The following TCOF1 variants were observed in gnomAD, a reference collection of about 807,000 sequenced individuals.
TCOF1 encodes treacle ribosome biogenesis factor 1.
Under a neutral mutation model 149.0 loss-of-function variants are expected in TCOF1, and 33 were observed. The observed-to-expected ratio is 0.22, with a 90% CI of 0.17 to 0.30. The LOEUF (loss-of-function observed/expected upper bound fraction) is 0.30, where lower values mean the gene tolerates loss of function less well. TCOF1 is among the 10% of genes least tolerant of loss of function. TCOF1 has a pLI of 1.00. For synonymous variants in TCOF1, 789 were observed against 738.8 expected (o/e 1.07, Z -1.10); for missense variants, 1,728 against 1,840.7 (o/e 0.94, Z 1.12).
At chr5:150,378,462 T>C (rs574033167) in intron 14 of TCOF1, 110 of 231,682 alleles carry the variant, frequency 4.7e-4, no homozygotes, top group African/African-American at 2.5e-3. Context: ...CAGCATTCCA[T>C]CTAGCCTGGA....
At chr5:150,372,452 C>T (rs951243558) in intron 7 of TCOF1, among the ~76,000 whole-genome samples, 6 of 152,338 alleles carry the variant, frequency 3.9e-5, no homozygotes, top group African/African-American at 1.4e-4. Context: ...GTAAATGGGC[C>T]GCTGTCCTCG....
intron 3 of TCOF1, among the ~76,000 whole-genome samples, chr5:150,365,555 A>C (rs1277964986): frequency 2.0e-5 from 3 of 152,092 alleles, no homozygotes; most frequent in Non-Finnish European, 2.9e-5. Flanking sequence ...TTGCCTCTAT[A>C]TTCATTCAAA....
rs571858502 is a variant in TCOF1, at chr5:150,374,398, G to A, written c.1083+12G>A. 216 of 1,552,374 alleles carry A rather than the reference G, an allele frequency of 1.4e-4. No homozygotes were observed. In the East Asian group the frequency reaches 5.1e-3, roughly 37 times the overall value. On this transcript the variant is annotated intron_variant, in intron 8 of 26. Transcript: ENST00000643257. ...AGGCCCTGCTTCAGGTGAGGCCTGA[G>A]GAGGGAGACTCCATGCAGCCAGGCC...
intron 14 of TCOF1, among the ~76,000 whole-genome samples, chr5:150,378,125 T>C (rs1234527559): frequency 6.6e-6 from 1 of 152,182 alleles, no homozygotes; most frequent in Non-Finnish European, 1.5e-5. Flanking sequence ...TCCTGATTCT[T>C]CACCTCATTT....
intron 17 of TCOF1, among the ~76,000 whole-genome samples, chr5:150,386,544 C>T (rs975869668): frequency 1.1e-4 from 17 of 152,190 alleles, no homozygotes; most frequent in African/African-American, 4.1e-4. Flanking sequence ...TGCCTCTCCA[C>T]AGCACCTTAG....
chr5:150,392,535 A>G (rs953896078), intron 21 of TCOF1, 170 bp from the exon 22 acceptor site: 18 of 676,210 alleles, frequency 2.7e-5, no homozygotes, highest in African/African-American at 5.3e-5. Context: ...TGCTGTGACT[A>G]GCGATAAGTG....
intron 1 of TCOF1, among the ~76,000 whole-genome samples, chr5:150,359,978 A>G (rs966952057): frequency 6.6e-6 from 1 of 152,180 alleles, no homozygotes; most frequent in African/African-American, 2.4e-5. Flanking sequence ...GGGAGAGAAC[A>G]TTCCAGACAA....
At position 150,361,247 on chromosome 5, in the gene TCOF1, G is replaced by A. The variant is rs535083504; in HGVS notation, c.164+36G>A. ...GGGCCTATAGGGTGGAGTAGGGACG[G>A]ACACCCCAAGCAACTCAGCTTGGAA... On this transcript the variant is annotated intron_variant, in intron 2 of 26. Transcript: ENST00000643257. 4.2e-5 allele frequency: 67 copies of A among 1,611,746 alleles called. 2 individuals carry two copies. The South Asian group carries it at 7.4e-4, about 18-fold the overall frequency.
intron 1 of TCOF1, 149 bp from the exon 2 acceptor site, chr5:150,361,007 A>G (rs1166100648): frequency 1.1e-6 from 1 of 918,574 alleles, no homozygotes; most frequent in East Asian, 2.7e-5. Context: ...AAGTGCTGAG[A>G]TTACAGGTAT....
intron 17 of TCOF1, among the ~76,000 whole-genome samples, chr5:150,386,296 T>A (rs1422543132): frequency 6.6e-6 from 1 of 152,200 alleles, no homozygotes; most frequent in Non-Finnish European, 1.5e-5. Flanking sequence ...GTTCGTTGCT[T>A]CTCTTCGTCC....
chr5:150,389,432 G>A (rs958083889), intron 18 of TCOF1, among the ~76,000 whole-genome samples: 2 of 152,344 alleles, frequency 1.3e-5, no homozygotes, highest in African/African-American at 4.8e-5. Flanking sequence ...CCAGCACCAT[G>A]TTGGAGGAAG....
chr5:150,391,063 C>CT (rs1166807170), intron 19 of TCOF1, among the ~76,000 whole-genome samples: 1 of 152,100 alleles, frequency 6.6e-6, no homozygotes, highest in East Asian at 1.9e-4. Flanking sequence ...GGCAGGGAAA[C>CT]TGCAGGTACC....
chr5:150,371,907 T>C, intron 6 of TCOF1, 99 bp from the exon 7 acceptor site: 1 of 1,106,234 alleles, frequency 9.0e-7, no homozygotes, highest in Non-Finnish European at 1.3e-6. Flanking sequence ...TCCAGTGACA[T>C]TAGGAAAGAG....
At chr5:150,394,463 G>T (rs1324700323) in intron 23 of TCOF1, 1 of 152,280 alleles carries the variant, frequency 6.6e-6, no homozygotes, top group Non-Finnish European at 1.5e-5. Flanking sequence ...TAGTCACATT[G>T]TATTTGGAGG....
Position 150,376,067 on chromosome 5 carries a change from T to C in TCOF1, c.1894-15T>C, listed in dbSNP as rs765212253. The stretch of plus-strand genomic sequence containing the variant: ...TTCAGGAACCTTCTCCAGCCTTTCT[T>C]TGGTGTCCCCTCAGGCAAAACCAGC... On this transcript the variant is annotated splice_polypyrimidine_tract_variant and intron_variant, in intron 12 of 26. Transcript: ENST00000643257. 15 of 1,613,866 alleles carry C rather than the reference T, an allele frequency of 9.3e-6. No homozygotes were observed. Among genetic ancestry groups the C allele is most frequent in the Admixed American group, 1.7e-5 (1 of 60,024 alleles).
intron 19 of TCOF1, among the ~76,000 whole-genome samples, 168 bp downstream of exon 19, chr5:150,390,191 A>C (rs1439474952): frequency 6.6e-6 from 1 of 152,104 alleles, no homozygotes; most frequent in African/African-American, 2.4e-5. Flanking sequence ...CAACCCCCCA[A>C]ATCACCTTTG....
At chr5:150,378,798 A>G (rs1764375352) in intron 14 of TCOF1, 107 bp from the exon 15 acceptor site, 2 of 1,527,914 alleles carry the variant, frequency 1.3e-6, no homozygotes, top group Non-Finnish European at 1.8e-6. Flanking sequence ...TATTGCATGG[A>G]GGAGCCAGAA....
chr5:150,371,884 A>T, intron 6 of TCOF1, 122 bp from the exon 7 acceptor site: 2 of 861,910 alleles, frequency 2.3e-6, no homozygotes, highest in South Asian at 2.9e-5. Flanking sequence ...CGTCTCAGGG[A>T]GTTGCTTAAA....
chr5:150,390,070 C>A, intron 19 of TCOF1, 47 bp downstream of exon 19: 1 of 1,564,270 alleles, frequency 6.4e-7, no homozygotes. Flanking sequence ...GGGGTGGGGC[C>A]CTACTTCCAT....
Sources: allele counts gnomAD v4.1 joint callset (sites outside exome capture counted in the v4.1 genomes callset), GRCh38; gene constraint gnomAD v4.1.1; transcripts MANE v1.5; gene names NCBI Gene and HGNC (gene_info 2026-07-23, HGNC 2026-07-21).